INPP4B: variants seen among roughly 807,000 people sequenced by gnomAD.
INPP4B encodes the protein inositol polyphosphate-4-phosphatase type II B.
In INPP4B, 55 loss-of-function variants were observed where a neutral mutation model predicts 122.5. That is an observed-to-expected ratio of 0.45 (90% confidence interval 0.36 to 0.56). The LOEUF (loss-of-function observed/expected upper bound fraction) is 0.56. INPP4B is among the 20% of genes least tolerant of loss of function. INPP4B has a pLI of 0.00. For missense variants in INPP4B, 1,000 were observed against 1,097.7 expected (o/e 0.91, Z 1.26); for synonymous variants, 403 against 388.7 (o/e 1.04, Z -0.43).
chr4:142,216,026 CT>C (rs1358339970), intron 12 of INPP4B, among the ~76,000 whole-genome samples: 1 of 143,562 alleles, frequency 7.0e-6, no homozygotes, highest in African/African-American at 2.5e-5. Flanking sequence ...TACATAAATG[CT>C]TTTTTAAATT....
intron 25 of INPP4B, among the ~76,000 whole-genome samples, chr4:142,030,879 A>ATAAAATC (rs1010068108): frequency 6.6e-6 from 1 of 152,198 alleles, no homozygotes; most frequent in African/African-American, 2.4e-5. Flanking sequence ...TATTAGTTTA[A>ATAAAATC]TAAAATCCAA....
chr4:142,587,009 G>C (rs751840647), intron 2 of INPP4B, among the ~76,000 whole-genome samples: 8 of 152,238 alleles, frequency 5.3e-5, no homozygotes, highest in African/African-American at 1.2e-4. Context: ...AGAGCATATG[G>C]GACCTTGAAT....
At chr4:142,419,241 T>A (rs1806379499) in intron 5 of INPP4B, among the ~76,000 whole-genome samples, 1 of 152,128 alleles carries the variant, frequency 6.6e-6, no homozygotes, top group Non-Finnish European at 1.5e-5. Context: ...TGTTATCTGG[T>A]AGCCAGTTGA....
intron 1 of INPP4B, among the ~76,000 whole-genome samples, chr4:142,764,646 A>G (rs1457329919): frequency 1.3e-5 from 2 of 152,114 alleles, no homozygotes; most frequent in African/African-American, 2.4e-5. Context: ...AGAGAGGACA[A>G]TGTCCTAAAT....
At chr4:142,253,335 TA>T (rs1198744539) in intron 11 of INPP4B, among the ~76,000 whole-genome samples, 1 of 152,078 alleles carries the variant, frequency 6.6e-6, no homozygotes, top group Non-Finnish European at 1.5e-5. Flanking sequence ...TCTTCAATAA[TA>T]AATTAACAGA....
chr4:142,369,919 G>A (rs1789179006), intron 7 of INPP4B, among the ~76,000 whole-genome samples: 1 of 136,310 alleles, frequency 7.3e-6, no homozygotes, highest in Non-Finnish European at 1.6e-5. Flanking sequence ...GGGACAAAGT[G>A]AGACTCCATC....
chr4:142,251,425 C>T (rs1731986835), intron 11 of INPP4B, among the ~76,000 whole-genome samples: 1 of 152,144 alleles, frequency 6.6e-6, no homozygotes, highest in South Asian at 2.1e-4. Flanking sequence ...GTTTAGTCAA[C>T]TTTCAGGTGA....
intron 7 of INPP4B, among the ~76,000 whole-genome samples, chr4:142,326,601 G>A (rs756998506): frequency 8.6e-5 from 13 of 152,018 alleles, no homozygotes; most frequent in Non-Finnish European, 1.6e-4. Flanking sequence ...ACTTCAATAA[G>A]CAAAAATAAT....
chr4:142,275,185 A>G (rs1579556564), intron 9 of INPP4B, among the ~76,000 whole-genome samples: 1 of 151,988 alleles, frequency 6.6e-6, no homozygotes, highest in Admixed American at 6.6e-5. Context: ...CTAACAAAGG[A>G]TAATTTAATG....
intron 12 of INPP4B, among the ~76,000 whole-genome samples, chr4:142,224,011 AG>A (rs1190230023): frequency 6.6e-6 from 1 of 152,172 alleles, no homozygotes; most frequent in African/African-American, 2.4e-5. Context: ...CTTTAAAGTC[AG>A]TAAAGATTTT....
intron 1 of INPP4B, among the ~76,000 whole-genome samples, chr4:142,803,656 A>C (rs1032611561): frequency 8.0e-5 from 12 of 150,230 alleles, no homozygotes; most frequent in Non-Finnish European, 1.6e-4. Flanking sequence ...ACTTAAAAAA[A>C]AAAAACAAAA....
At chr4:142,114,911 G>A (rs571066360) in intron 21 of INPP4B, among the ~76,000 whole-genome samples, 78 of 151,954 alleles carry the variant, frequency 5.1e-4, no homozygotes, top group African/African-American at 1.7e-3. Context: ...TAAAAACCTC[G>A]AAAAAAGATT....
At chr4:142,156,609 G>A (rs1052068665) in intron 17 of INPP4B, among the ~76,000 whole-genome samples, 2 of 152,012 alleles carry the variant, frequency 1.3e-5, no homozygotes, top group Admixed American at 1.3e-4. Context: ...TATTTAATAA[G>A]TAAAATTCAG....
At chr4:142,658,725 G>A (rs568251499) in intron 2 of INPP4B, among the ~76,000 whole-genome samples, 5 of 152,066 alleles carry the variant, frequency 3.3e-5, no homozygotes, top group African/African-American at 4.8e-5. Context: ...TTAAGTAGAC[G>A]ATCTTGACTT....
chr4:142,291,999 T>C (rs1176687382), intron 9 of INPP4B, among the ~76,000 whole-genome samples: 2 of 152,196 alleles, frequency 1.3e-5, no homozygotes, highest in African/African-American at 4.8e-5. Flanking sequence ...ATATATTATA[T>C]GTATTTTTGT....
chr4:142,439,797 C>T (rs373988975), intron 3 of INPP4B, among the ~76,000 whole-genome samples: 1 of 152,274 alleles, frequency 6.6e-6, no homozygotes, highest in East Asian at 1.9e-4. Flanking sequence ...GGTCACATTA[C>T]ACCCAATGGC....
At chr4:142,344,511 T>A (rs542223418) in intron 7 of INPP4B, among the ~76,000 whole-genome samples, 1 of 152,008 alleles carries the variant, frequency 6.6e-6, no homozygotes, top group African/African-American at 2.4e-5. Context: ...AGGTGTAAAT[T>A]TACATGAATG....
At chr4:142,289,044 C>T (rs999188439) in intron 9 of INPP4B, among the ~76,000 whole-genome samples, 4 of 152,066 alleles carry the variant, frequency 2.6e-5, no homozygotes, top group Non-Finnish European at 4.4e-5. Context: ...TTTATTTAAA[C>T]CATTATGTTA....
At chr4:142,564,887 G>A (rs1731302938) in intron 2 of INPP4B, among the ~76,000 whole-genome samples, 3 of 151,984 alleles carry the variant, frequency 2.0e-5, no homozygotes, top group Admixed American at 2.0e-4. Context: ...TCAGTCTCTG[G>A]TATGGACAAA....
Sources: gnomAD v4.1 joint callset for allele counts (sites outside exome capture counted in the v4.1 genomes callset) on GRCh38, gnomAD v4.1.1 for gene constraint, MANE v1.5 for transcripts, NCBI Gene and HGNC (gene_info 2026-07-23, HGNC 2026-07-21) for gene names.